Variants in UBE2W observed in about 807,000 individuals in gnomAD.
UBE2W encodes ubiquitin conjugating enzyme E2 W, also known as ubiquitin-conjugating enzyme E2 W.
Under a neutral mutation model 27.2 loss-of-function variants are expected in UBE2W, and 18 were observed. The ratio of observed to expected loss-of-function variants is 0.66; its 90% CI spans 0.46 to 0.98. The LOEUF (loss-of-function observed/expected upper bound fraction) is 0.98, where lower values mean the gene tolerates loss of function less well. Ranked by LOEUF, UBE2W falls within the 50% of genes least tolerant of loss-of-function variation. The probability of loss-of-function intolerance (pLI) is 0.00; values close to 1 mark genes in which losing one functional copy is unlikely to be tolerated. For missense variants in UBE2W, 90 were observed against 180.2 expected (o/e 0.50, Z 2.87); for synonymous variants, 53 against 57.2 (o/e 0.93, Z 0.33).
Position 73,789,168 on chromosome 8 carries a change from C to A in UBE2W, c.*4934G>T. 1 of 984,884 alleles carries A rather than the reference C, an allele frequency of 1.0e-6. No homozygotes were observed. Among genetic ancestry groups the A allele is most frequent in the Non-Finnish European group, 1.2e-6 (1 of 829,842 alleles). The allele number at this position is 984,884 out of a possible 1,614,324, so 61.0% of individuals were successfully genotyped here. A position where few individuals can be genotyped will look rare whatever the true frequency, so the allele number is the denominator to read the frequency against. Reference sequence around the variant, plus strand: ...CTCTAATGATAATGATGTACATAAACCTGTCTTAAATCGGCAAACAGACGA... The same window carrying A: ...CTCTAATGATAATGATGTACATAAAACTGTCTTAAATCGGCAAACAGACGA... On this transcript the variant is annotated 3_prime_UTR_variant, in exon 6 of 6. Coordinates refer to ENST00000602593, the MANE Select transcript of UBE2W (RefSeq NM_018299.6).
intron 1 of UBE2W, among the ~76,000 whole-genome samples, chr8:73,841,146 A>C (rs1314868385): frequency 1.3e-5 from 2 of 152,244 alleles, no homozygotes; most frequent in Non-Finnish European, 2.9e-5. Context: ...TGATGGAAAA[A>C]ACAGAAACAC....
At chr8:73,833,922 G>A (rs971114957) in intron 1 of UBE2W, 2 of 152,146 alleles carry the variant, frequency 1.3e-5, no homozygotes, top group Non-Finnish European at 2.9e-5. Flanking sequence ...GCTCCCGAGA[G>A]GTCACCATAT....
In UBE2W at chr8:73,855,138, T is replaced by C. The variant is rs1811232751; in HGVS notation, c.15+23670A>G. ...TACTTCCAGCATCACTGGTGGCATT[T>C]TGTATGGATTCCATAGTGTTTGATT... is the stretch of plus-strand genomic sequence containing the variant. On this transcript the variant is annotated intron_variant, in intron 1 of 5. Coordinates refer to ENST00000602593, the MANE Select transcript of UBE2W (RefSeq NM_018299.6). 2.0e-5 allele frequency among the ~76,000 whole-genome samples: 3 copies of C among 152,224 alleles called. No homozygotes were observed. In the South Asian group the frequency reaches 6.2e-4, roughly 31 times the overall value.
chr8:73,788,090 G>C lies in UBE2W; in HGVS notation c.*6012C>G. ...ACGTCATAAACCAAAAAGAGGTCTG[G>C]TATCTATCCCATTTAGTATTCAAGT... is the stretch of plus-strand genomic sequence containing the variant. On this transcript the variant is annotated 3_prime_UTR_variant, in exon 6 of 6. Transcript: ENST00000602593. 1 of 984,152 alleles carries C rather than the reference G, an allele frequency of 1.0e-6. No homozygotes were observed. The highest frequency in any genetic ancestry group is 4.7e-5 in the South Asian group (1 of 21,246). 61.0% of individuals were successfully genotyped at this position (984,152 alleles called of 1,614,324 possible).
intron 5 of UBE2W, among the ~76,000 whole-genome samples, chr8:73,799,008 A>C (rs888543814): frequency 2.0e-5 from 3 of 152,058 alleles, no homozygotes; most frequent in Admixed American, 6.6e-5. Context: ...GCACTGCCTT[A>C]ACTGGCAATG....
intron 3 of UBE2W, among the ~76,000 whole-genome samples, chr8:73,819,982 T>A (rs1329430080): frequency 1.3e-5 from 2 of 152,160 alleles, no homozygotes; most frequent in East Asian, 3.8e-4. Flanking sequence ...AAGACTTTTC[T>A]TTCTTTTTTT....
chr8:73,870,186 T>C, intron 1 of UBE2W: 3 of 1,429,516 alleles, frequency 2.1e-6, no homozygotes, highest in Non-Finnish European at 2.9e-6. Flanking sequence ...TAAAAGGATG[T>C]CAAAATGGAC....
chr8:73,860,211 T>C (rs1269247199), intron 1 of UBE2W, among the ~76,000 whole-genome samples: 2 of 152,066 alleles, frequency 1.3e-5, no homozygotes, highest in African/African-American at 4.8e-5. Flanking sequence ...ACCAACCAAA[T>C]ATTAACTGGG....
Position 73,830,167 on chromosome 8 carries a change from T to TA in UBE2W, c.107+213dup, listed in dbSNP as rs368215727. 2.6e-3 allele frequency among the ~76,000 whole-genome samples: 401 copies of TA among 152,262 alleles called. 1 individual carries two copies. The highest frequency in any genetic ancestry group is 9.4e-3 in the African/African-American group (389 of 41,552). On this transcript the variant is annotated intron_variant, in intron 2 of 5. Coordinates refer to ENST00000602593, the MANE Select transcript of UBE2W (RefSeq NM_018299.6). ...TTTTAAAAATGTACCAAAGATAGTTTAAAAACAGCTTTACAAATTATGCAA... is the reference window on the plus strand; with the variant it reads ...TTTTAAAAATGTACCAAAGATAGTTTAAAAAACAGCTTTACAAATTATGCAA...
chr8:73,850,737 A>AC (rs1351406762), intron 1 of UBE2W, among the ~76,000 whole-genome samples: 13 of 150,678 alleles, frequency 8.6e-5, no homozygotes, highest in African/African-American at 2.9e-4. Flanking sequence ...AAAAAAAAAA[A>AC]AAAAAAAAAA....
rs759063478 is a variant in UBE2W at position 73,842,528 on chromosome 8, C to CAAAAAA, written c.16-12062_16-12057dup. The stretch of plus-strand genomic sequence containing the variant: ...TGGGCGACAGAGGGAGACTCCGTCT[C>CAAAAAA]AAAAAAAAAAAAAAAAAAAAAAAAA... On this transcript the variant is annotated intron_variant, in intron 1 of 5. Transcript: ENST00000602593. Among the ~76,000 whole-genome samples, 93 of 9,678 alleles carry CAAAAAA rather than the reference C, an allele frequency of 9.6e-3. 23 individuals are homozygous for CAAAAAA. Among genetic ancestry groups the CAAAAAA allele is most frequent in the African/African-American group, 0.025 (88 of 3,564 alleles). The allele number at this position is 9,678 out of a possible 152,430, so 6.3% of individuals were successfully genotyped here.
At chr8:73,852,474 T>C (rs564684135) in intron 1 of UBE2W, among the ~76,000 whole-genome samples, 59 of 152,346 alleles carry the variant, frequency 3.9e-4, no homozygotes, top group Middle Eastern at 3.4e-3. Context: ...TCTGTATCTT[T>C]CTCTCATTGA....
At chr8:73,828,088 C>T (rs1221110881) in intron 2 of UBE2W, among the ~76,000 whole-genome samples, 1 of 152,178 alleles carries the variant, frequency 6.6e-6, no homozygotes. Context: ...CAATCACAAG[C>T]ATATGCCCCA....
downstream of UBE2W, among the ~76,000 whole-genome samples, chr8:73,786,027 C>T (rs1189528154): frequency 6.6e-6 from 1 of 152,150 alleles, no homozygotes; most frequent in Non-Finnish European, 1.5e-5. Context: ...ACCTCATCTG[C>T]CATCCTTCTT....
At chr8:73,809,676 T>C (rs1809067207) in intron 4 of UBE2W, among the ~76,000 whole-genome samples, 1 of 152,046 alleles carries the variant, frequency 6.6e-6, no homozygotes, top group Admixed American at 6.6e-5. Context: ...ACCTCCTGGG[T>C]TCAAGCAATT....
intron 1 of UBE2W, among the ~76,000 whole-genome samples, chr8:73,841,052 A>C (rs746018919): frequency 6.6e-6 from 1 of 152,228 alleles, no homozygotes; most frequent in Non-Finnish European, 1.5e-5. Flanking sequence ...TTGCTAATAC[A>C]ACTGTATATA....
intron 1 of UBE2W, among the ~76,000 whole-genome samples, chr8:73,842,655 TTAAAA>T (rs1240112902): frequency 7.9e-5 from 12 of 151,772 alleles, no homozygotes; most frequent in Middle Eastern, 3.4e-3. Flanking sequence ...ATGTAATTTG[TTAAAA>T]TAAAAGAGGT....
chr8:73,808,865 G>A (rs1809027626), intron 4 of UBE2W, among the ~76,000 whole-genome samples: 2 of 152,128 alleles, frequency 1.3e-5, no homozygotes, highest in Admixed American at 1.3e-4. Flanking sequence ...AGGGTTAGAG[G>A]AAGATGAAGG....
chr8:73,781,739 C>G (rs1417027998), downstream of UBE2W, among the ~76,000 whole-genome samples: 1 of 151,330 alleles, frequency 6.6e-6, no homozygotes, highest in Non-Finnish European at 1.5e-5. Flanking sequence ...ACCACCATGT[C>G]TAGCTAATTT....
Sources: allele counts gnomAD v4.1 joint callset (sites outside exome capture counted in the v4.1 genomes callset), GRCh38; gene constraint gnomAD v4.1.1; transcripts MANE v1.5; gene names NCBI Gene and HGNC (gene_info 2026-07-23, HGNC 2026-07-21).